GABPB2: variants seen among roughly 807,000 people sequenced by gnomAD.
The protein encoded by GABPB2 is GA-binding protein subunit beta-2.
GABPB2 carries 23 observed loss-of-function variants against 39.1 expected under a neutral mutation model. That is an observed-to-expected ratio of 0.59 (90% CI 0.42 to 0.83). The LOEUF is 0.83. GABPB2 is among the 40% of genes least tolerant of loss of function. The probability of loss-of-function intolerance (pLI) is 0.00; values close to 1 mark genes in which losing one functional copy is unlikely to be tolerated. For missense variants in GABPB2, 467 were observed against 541.1 expected (o/e 0.86, Z 1.36); for synonymous variants, 184 against 199.3 (o/e 0.92, Z 0.65).
At chr1:151,086,930 T>C (rs1678254107) in intron 1 of GABPB2, among the ~76,000 whole-genome samples, 1 of 152,122 alleles carries the variant, frequency 6.6e-6, no homozygotes, top group Admixed American at 6.6e-5. Flanking sequence ...TCTCAGCTCA[T>C]TGCAACATCC....
At chr1:151,097,254 G>T (rs1012491944) in intron 4 of GABPB2, among the ~76,000 whole-genome samples, 12 of 152,044 alleles carry the variant, frequency 7.9e-5, no homozygotes, top group African/African-American at 2.9e-4. Flanking sequence ...GATTCATAGA[G>T]GTTGATTGAA....
rs779080912 is a variant in GABPB2 at position 151,103,621 on chromosome 1, C to A, written c.682C>A (p.Leu228Ile). The A allele has an allele frequency of 5.6e-6, 9 of 1,614,048 alleles. 1 individual carries two copies. The South Asian group carries it at 9.9e-5, about 18-fold the overall frequency. Residue 228 changes from leucine to isoleucine, a missense_variant, in exon 6 of 9, where the codon CTT (leucine) becomes ATT (isoleucine). Coordinates refer to ENST00000368918, the MANE Select transcript of GABPB2 (RefSeq NM_144618.3). ...SNSTTSVLAT[L>I]AALAEASVPL... ...TTCTACCACCTCAGTGCTGGCTACC[C>A]TTGCAGCTCTTGCTGAGGCATCAGT...
At chr1:151,103,117 T>C (rs1679673332) in intron 5 of GABPB2, among the ~76,000 whole-genome samples, 1 of 145,280 alleles carries the variant, frequency 6.9e-6, no homozygotes, top group Non-Finnish European at 1.5e-5. Context: ...TGGTGTGATC[T>C]CAGCTCACTG....
chr1:151,105,209 T>TGACA (rs1291515273), intron 6 of GABPB2, among the ~76,000 whole-genome samples: 4 of 151,992 alleles, frequency 2.6e-5, no homozygotes, highest in African/African-American at 9.6e-5. Flanking sequence ...CCTGGCCCTG[T>TGACA]GACACTTTAG....
intron 1 of GABPB2, among the ~76,000 whole-genome samples, chr1:151,079,200 G>A (rs2102998246): frequency 6.6e-6 from 1 of 152,214 alleles, no homozygotes; most frequent in South Asian, 2.1e-4. Context: ...ACAGATTTGG[G>A]TTGGTTGTCA....
chr1:151,102,463 G>A (rs1679605831), intron 5 of GABPB2, among the ~76,000 whole-genome samples: 1 of 151,996 alleles, frequency 6.6e-6, no homozygotes, highest in South Asian at 2.1e-4. Context: ...TATTTATTGA[G>A]ATGGAGTCTT....
rs1477664203 is a variant in GABPB2 at position 151,097,889 on chromosome 1, G to C, written c.509G>C (p.Arg170Thr). 5 of 1,614,116 alleles carry C rather than the reference G, an allele frequency of 3.1e-6. No individual in the cohort carries two copies. Among genetic ancestry groups the C allele is most frequent in the Non-Finnish European group, 4.2e-6 (5 of 1,179,994 alleles). The part of the protein sequence containing the change: ...MQNQVNVNPE[R>T]ANPVTDPVSM... ...AATCAGGTGAATGTTAATCCAGAGA[G>C]AGCCAACCCTGTGACTGACCCTGTG... is the stretch of plus-strand genomic sequence containing the variant. Residue 170 changes from arginine to threonine, a missense_variant, in exon 5 of 9, where the codon AGA becomes ACA. Transcript: ENST00000368918.
intron 1 of GABPB2, among the ~76,000 whole-genome samples, chr1:151,071,555 C>A (rs1676724123): frequency 6.7e-6 from 1 of 148,174 alleles, no homozygotes; most frequent in African/African-American, 2.5e-5. Flanking sequence ...CTGCAACCTC[C>A]GCTTCCCGGG....
rs1303360822 is a variant in GABPB2 at position 151,103,744 on chromosome 1, A to G, written c.736+69A>G. The G allele has an allele frequency of 3.0e-6, 3 of 986,346 alleles. No homozygotes were observed. The Admixed American group carries it at 5.9e-5, about 19-fold the overall frequency. 61.1% of individuals were successfully genotyped at this position (986,346 alleles called of 1,614,324 possible). On this transcript the variant is annotated intron_variant, in intron 6 of 8. Coordinates refer to ENST00000368918, the MANE Select transcript of GABPB2 (RefSeq NM_144618.3). ...TTGTTTTTAAGTCTCCAGCAGATTT[A>G]ATTTGCATGAAATATTATTAAAGAA...
At chr1:151,114,126 G>A (rs1250764772) in intron 7 of GABPB2, among the ~76,000 whole-genome samples, 1 of 151,340 alleles carries the variant, frequency 6.6e-6, no homozygotes, top group South Asian at 2.1e-4. Context: ...CCGGCAGATA[G>A]CTTAAGCCCA....
At position 151,088,226 on chromosome 1, in the gene GABPB2, G is replaced by A. The variant is rs1044338031; in HGVS notation, c.37G>A (p.Ala13Thr). ...GGACTTGGGAAAGAGGTTGCTAGAA[G>A]CAGCAAGAAAAGGCCAAGATGATGA... is the stretch of plus-strand genomic sequence containing the variant. ...LVDLGKRLLE[A>T]ARKGQDDEVR... The change falls in exon 2 of 9, where the codon GCA becomes ACA. Residue 13 changes from alanine to threonine, a missense_variant. Transcript: ENST00000368918. The A allele has an allele frequency of 4.3e-6, 7 of 1,614,052 alleles. No individual in the cohort carries two copies. Among genetic ancestry groups the A allele is most frequent in the Non-Finnish European group, 5.1e-6 (6 of 1,179,974 alleles).
At chr1:151,097,470 CTG>C (rs2101517297) in intron 4 of GABPB2, among the ~76,000 whole-genome samples, 1 of 152,088 alleles carries the variant, frequency 6.6e-6, no homozygotes, top group Non-Finnish European at 1.5e-5. Context: ...TGTTCAGTAA[CTG>C]TGTAACTAAA....
chr1:151,108,512 T>G (rs1345634965), intron 7 of GABPB2, among the ~76,000 whole-genome samples: 2 of 152,018 alleles, frequency 1.3e-5, no homozygotes, highest in Non-Finnish European at 2.9e-5. Flanking sequence ...TTTTTCTTTT[T>G]TGTGTGTGTA....
rs1401109419 is a variant in GABPB2, at chr1:151,103,601, C to A, written c.662C>A (p.Thr221Asn). ...HASTVQFSNS[T>N]TSVLATLAAL... Reference sequence around the variant, plus strand: ...TCAACAGTACAGTTTTCAAATTCTACCACCTCAGTGCTGGCTACCCTTGCA... The same window carrying A: ...TCAACAGTACAGTTTTCAAATTCTAACACCTCAGTGCTGGCTACCCTTGCA... Residue 221 changes from threonine (T) to asparagine (N), a missense_variant, in exon 6 of 9, where the codon ACC (threonine) becomes AAC (asparagine). By Grantham distance (65) the Thr-to-Asn change is moderately conservative. Transcript: ENST00000368918. The A allele has an allele frequency of 6.2e-7, 1 of 1,614,090 alleles. No homozygotes were observed. Among genetic ancestry groups the A allele is most frequent in the Admixed American group, 1.7e-5 (1 of 60,020 alleles).
rs776469932 is a variant in GABPB2 at position 151,088,271 on chromosome 1, A to G, written c.82A>G (p.Asn28Asp). The G allele has an allele frequency of 6.2e-7, 1 of 1,613,868 alleles. No individual in the cohort carries two copies. Among genetic ancestry groups the G allele is most frequent in the South Asian group, 1.1e-5 (1 of 91,044 alleles). The change falls in exon 2 of 9, where the codon AAT becomes GAT. Residue 28 changes from asparagine to aspartate, a missense_variant. Transcript: ENST00000368918. ...TGATGAAGTGAGAACGTTGATGGCAAATGGCGCCCCATTCACCACAGACTG... is the reference window on the plus strand; with the variant it reads ...TGATGAAGTGAGAACGTTGATGGCAGATGGCGCCCCATTCACCACAGACTG... ...QDDEVRTLMA[N>D]GAPFTTDWLG... is the part of the protein sequence containing the mutation.
chr1:151,085,509 C>T (rs923152204), intron 1 of GABPB2, among the ~76,000 whole-genome samples: 3 of 152,150 alleles, frequency 2.0e-5, no homozygotes, highest in African/African-American at 4.8e-5. Flanking sequence ...GGCACAATCT[C>T]GGCTCACTGC....
intron 1 of GABPB2, among the ~76,000 whole-genome samples, chr1:151,085,654 G>A (rs1048478918): frequency 5.3e-5 from 8 of 152,048 alleles, no homozygotes; most frequent in South Asian, 2.1e-4. Flanking sequence ...GAGTTTCACC[G>A]TGTTAGCCAG....
chr1:151,106,466 T>C (rs908928436), intron 6 of GABPB2, among the ~76,000 whole-genome samples: 1 of 152,030 alleles, frequency 6.6e-6, no homozygotes, highest in Non-Finnish European at 1.5e-5. Context: ...GCCTCCAAAG[T>C]AGCTGGAACT....
chr1:151,097,776 C>CAAAA, intron 4 of GABPB2, 76 bp from the exon 5 acceptor site: 1 of 1,223,216 alleles, frequency 8.2e-7, no homozygotes, highest in Non-Finnish European at 1.1e-6. Context: ...GAGACTGTCT[C>CAAAA]AAAAAAAAAA....
Sources: allele counts gnomAD v4.1 joint callset (sites outside exome capture counted in the v4.1 genomes callset), GRCh38; gene constraint gnomAD v4.1.1; transcripts MANE v1.5; gene names NCBI Gene and HGNC (gene_info 2026-07-23, HGNC 2026-07-21).